SH3GL3: variants seen among roughly 807,000 people sequenced by gnomAD.
SH3GL3 encodes SH3 domain containing GRB2 like 3, endophilin A3, also known as endophilin-A3.
A neutral mutation model predicts 47.7 loss-of-function variants in SH3GL3; 33 were observed. That is an observed-to-expected ratio of 0.69 (90% CI 0.52 to 0.92). SH3GL3 has a LOEUF of 0.92. Ranked by LOEUF, SH3GL3 falls within the 40% of genes least tolerant of loss-of-function variation. The pLI, the probability that SH3GL3 is intolerant of heterozygous loss-of-function variation, is 0.00. For synonymous variants in SH3GL3, 155 were observed against 148.8 expected (o/e 1.04, Z -0.30); for missense variants, 363 against 417.8 (o/e 0.87, Z 1.14).
intron 8 of SH3GL3, among the ~76,000 whole-genome samples, chr15:83,607,105 A>G (rs900529045): frequency 6.6e-6 from 1 of 152,176 alleles, no homozygotes; most frequent in African/African-American, 2.4e-5. Context: ...AAGAGTTTTG[A>G]AAAGCCGTAA....
intron 1 of SH3GL3, among the ~76,000 whole-genome samples, chr15:83,478,571 T>C (rs1277082623): frequency 6.6e-6 from 1 of 152,270 alleles, no homozygotes; most frequent in Non-Finnish European, 1.5e-5. Context: ...AAGTGCTTTA[T>C]ATATGATATA....
intron 1 of SH3GL3, among the ~76,000 whole-genome samples, chr15:83,557,695 TGG>T (rs548201213): frequency 6.6e-6 from 1 of 152,220 alleles, no homozygotes; most frequent in Non-Finnish European, 1.5e-5. Flanking sequence ...TTAATTTGCC[TGG>T]GCTTGCTTGT....
intron 1 of SH3GL3, among the ~76,000 whole-genome samples, chr15:83,506,067 A>G (rs2151617845): frequency 6.6e-6 from 1 of 152,098 alleles, no homozygotes; most frequent in African/African-American, 2.4e-5. Flanking sequence ...ATCTTTTCCC[A>G]TATTTGTTTT....
chr15:83,628,569 C>T, the SH3GL3 span, among the ~76,000 whole-genome samples: 2 of 152,014 alleles, frequency 1.3e-5, no homozygotes, highest in East Asian at 3.9e-4. Context: ...ATGGTGAAAC[C>T]CTATTTCTAC....
At chr15:83,468,722 C>G (rs913830250) in intron 1 of SH3GL3, among the ~76,000 whole-genome samples, 5 of 151,506 alleles carry the variant, frequency 3.3e-5, no homozygotes, top group Non-Finnish European at 5.9e-5. Context: ...TTTAAAGATA[C>G]TGATCAATTC....
chr15:83,630,430 G>A, the SH3GL3 span, among the ~76,000 whole-genome samples: 1,890 of 152,160 alleles, frequency 0.012, 42 homozygotes, highest in African/African-American at 0.04. Context: ...ACATATCTGT[G>A]ACTGTATTAG....
chr15:83,632,399 A>T, the SH3GL3 span, among the ~76,000 whole-genome samples: 60 of 152,350 alleles, frequency 3.9e-4, no homozygotes, highest in East Asian at 0.011. Context: ...GCACATCATT[A>T]GATAGCTTGC....
intron 5 of SH3GL3, 152 bp downstream of exon 5, chr15:83,572,850 G>A: frequency 1.7e-6 from 1 of 581,088 alleles, no homozygotes; most frequent in South Asian, 2.3e-5. Context: ...TGGGCTCACT[G>A]GGAAAGAGTG....
At chr15:83,449,492 G>C (rs2039628702) in intron 1 of SH3GL3, among the ~76,000 whole-genome samples, 1 of 152,112 alleles carries the variant, frequency 6.6e-6, no homozygotes, top group African/African-American at 2.4e-5. Context: ...TCCTTTATTG[G>C]GTATGGACTT....
At chr15:83,470,584 C>T (rs1395709727) in intron 1 of SH3GL3, among the ~76,000 whole-genome samples, 3 of 152,152 alleles carry the variant, frequency 2.0e-5, no homozygotes, top group Admixed American at 1.3e-4. Context: ...ATCTACTCTA[C>T]CTGTCTTCCT....
At chr15:83,482,503 T>G (rs373907523) in intron 1 of SH3GL3, among the ~76,000 whole-genome samples, 3 of 152,058 alleles carry the variant, frequency 2.0e-5, no homozygotes, top group Admixed American at 1.3e-4. Flanking sequence ...TTAAGTTTTT[T>G]TTTTTTTGAT....
chr15:83,570,071 A>G (rs2045741979), intron 4 of SH3GL3, among the ~76,000 whole-genome samples: 1 of 152,264 alleles, frequency 6.6e-6, no homozygotes, highest in South Asian at 2.1e-4. Context: ...ATGTTTAGAA[A>G]ATCTTTTTCA....
At chr15:83,467,798 A>G (rs992269740) in intron 1 of SH3GL3, among the ~76,000 whole-genome samples, 1 of 151,860 alleles carries the variant, frequency 6.6e-6, no homozygotes, top group African/African-American at 2.4e-5. Context: ...TTTTTTAGTG[A>G]TTGTAAAAGG....
At chr15:83,570,956 C>G (rs1422565078) in intron 4 of SH3GL3, among the ~76,000 whole-genome samples, 1 of 152,198 alleles carries the variant, frequency 6.6e-6, no homozygotes, top group East Asian at 1.9e-4. Flanking sequence ...TGGCGACAGC[C>G]AGACAATTTG....
rs539047631 is a variant in SH3GL3, at chr15:83,512,732, C to G, written c.46-46521C>G. On this transcript the variant is annotated intron_variant, in intron 1 of 8. Transcript: ENST00000427482. The stretch of plus-strand genomic sequence containing the variant: ...CCCTACTCCTCCATCCCCTCCAAGA[C>G]TCTCAATGTAGTCAGCGCTCTGTTT... 8.5e-5 allele frequency among the ~76,000 whole-genome samples: 13 copies of G among 152,118 alleles called. No homozygotes were observed. In the South Asian group the frequency reaches 2.7e-3, roughly 32 times the overall value.
chr15:83,525,950 A>G (rs969418227), intron 1 of SH3GL3, among the ~76,000 whole-genome samples: 1 of 152,172 alleles, frequency 6.6e-6, no homozygotes, highest in South Asian at 2.1e-4. Flanking sequence ...GACATCAGGT[A>G]GTGTGATGCT....
chr15:83,615,951 A>G (rs1267011008), intron 8 of SH3GL3, among the ~76,000 whole-genome samples: 1 of 152,210 alleles, frequency 6.6e-6, no homozygotes. Context: ...AGAATAAACC[A>G]TGAATAGAAA....
chr15:83,473,888 G>C (rs865954438), intron 1 of SH3GL3, among the ~76,000 whole-genome samples: 5 of 148,976 alleles, frequency 3.4e-5, no homozygotes, highest in Admixed American at 6.7e-5. Flanking sequence ...GCGCATTTCC[G>C]TGTTGCTGGC....
chr15:83,492,279 CAAAAAAAAA>C (rs11300008), intron 1 of SH3GL3, among the ~76,000 whole-genome samples: 1 of 51,488 alleles, frequency 1.9e-5, no homozygotes, highest in Non-Finnish European at 3.3e-5. Flanking sequence ...GACTCCCTCT[CAAAAAAAAA>C]AAAAAAAAAA....
Sources: allele counts gnomAD v4.1 joint callset (sites outside exome capture counted in the v4.1 genomes callset), GRCh38; gene constraint gnomAD v4.1.1; transcripts MANE v1.5; gene names NCBI Gene and HGNC (gene_info 2026-07-23, HGNC 2026-07-21).